Variants in ATL1 observed in about 807,000 individuals in gnomAD.
The protein encoded by ATL1 is atlastin GTPase 1.
ATL1 carries 31 observed loss-of-function variants against 75.5 expected under a neutral mutation model. The observed-to-expected ratio is 0.41, with a 90% CI of 0.31 to 0.55. The LOEUF is 0.55. Ranked by LOEUF, ATL1 falls within the 20% of genes least tolerant of loss-of-function variation. ATL1 has a pLI of 0.27. For synonymous variants in ATL1, 226 were observed against 233.3 expected, an observed-to-expected ratio of 0.97 and a Z score of 0.28; for missense variants, 405 against 662.6, an observed-to-expected ratio of 0.61 and a Z score of 4.27.
intron 1 of ATL1, 140 bp downstream of exon 1, chr14:50,560,439 C>T (rs1375003900): frequency 8.5e-7 from 1 of 1,171,676 alleles, no homozygotes; most frequent in African/African-American, 1.5e-5. Context: ...CCGAGCCGCT[C>T]CCTGTTTGGG....
chr14:50,622,023 C>A (rs2039471760), intron 10 of ATL1, 124 bp downstream of exon 10: 1 of 760,590 alleles, frequency 1.3e-6, no homozygotes, highest in Non-Finnish European at 2.3e-6. Context: ...TGCCTAATAA[C>A]TTTACCTATT....
chr14:50,627,930 T>G, intron 11 of ATL1, 101 bp from the exon 12 acceptor site: 1 of 1,089,422 alleles, frequency 9.2e-7, no homozygotes, highest in Non-Finnish European at 1.4e-6. Flanking sequence ...TCCTGATTAT[T>G]AACGTATTCT....
At chr14:50,599,391 C>A (rs1295805125) in intron 6 of ATL1, among the ~76,000 whole-genome samples, 2 of 152,000 alleles carry the variant, frequency 1.3e-5, no homozygotes, top group East Asian at 3.9e-4. Flanking sequence ...ATTAAATAGG[C>A]AAAAAGTAGA....
At chr14:50,584,391 A>G (rs1187933480) in intron 1 of ATL1, among the ~76,000 whole-genome samples, 1 of 151,680 alleles carries the variant, frequency 6.6e-6, no homozygotes, top group East Asian at 1.9e-4. Context: ...AACAACAAAC[A>G]AATAAACTTA....
chr14:50,594,880 T>G (rs895113355), intron 5 of ATL1, among the ~76,000 whole-genome samples: 14 of 151,536 alleles, frequency 9.2e-5, no homozygotes, highest in African/African-American at 3.4e-4. Flanking sequence ...ATGCCTGTGG[T>G]CCCAGCTATT....
chr14:50,630,517 C>T (rs2039569423), intron 13 of ATL1, among the ~76,000 whole-genome samples: 2 of 152,308 alleles, frequency 1.3e-5, no homozygotes, highest in South Asian at 4.1e-4. Context: ...AATTAGTGTT[C>T]ATTTCTCCTA....
At chr14:50,560,662 G>A (rs1321361573) in intron 1 of ATL1, among the ~76,000 whole-genome samples, 1 of 152,238 alleles carries the variant, frequency 6.6e-6, no homozygotes, top group Non-Finnish European at 1.5e-5. Context: ...GGTGGGCAGG[G>A]GGCTGTTGTT....
chr14:50,544,965 A>G (rs940339350), intron 1 of ATL1, among the ~76,000 whole-genome samples: 7 of 146,876 alleles, frequency 4.8e-5, no homozygotes, highest in Non-Finnish European at 9.0e-5. Context: ...AAAAAAAAGA[A>G]GCCAACTATA....
intron 8 of ATL1, among the ~76,000 whole-genome samples, chr14:50,618,891 A>AT (rs67681265): frequency 0.047 from 4,511 of 95,634 alleles, 212 homozygotes; most frequent in African/African-American, 0.18. Context: ...ATATATATAT[A>AT]TTTTTTTTTC....
intron 1 of ATL1, among the ~76,000 whole-genome samples, chr14:50,547,072 G>A (rs2038643122): frequency 6.6e-6 from 1 of 152,146 alleles, no homozygotes; most frequent in South Asian, 2.1e-4. Context: ...AGGGGGAGGG[G>A]GGAACTTTAA....
chr14:50,632,096 A>C (rs1234282711), intron 13 of ATL1, 133 bp from the exon 14 acceptor site: 13 of 576,744 alleles, frequency 2.3e-5, no homozygotes, highest in Non-Finnish European at 3.4e-5. Flanking sequence ...TAAGATAATA[A>C]TTTATATATC....
chr14:50,536,436 C>CAA (rs34686813), intron 1 of ATL1, among the ~76,000 whole-genome samples: 5 of 107,228 alleles, frequency 4.7e-5, no homozygotes, highest in Non-Finnish European at 8.1e-5. Context: ...AACTCTGTCT[C>CAA]AAAAAAAAAA....
In ATL1 at chr14:50,620,611, A is replaced by G; in HGVS notation, c.875A>G (p.Glu292Gly). 3 of 1,613,094 alleles carry G rather than the reference A, an allele frequency of 1.9e-6. No individual in the cohort carries two copies. The highest frequency in any genetic ancestry group is 2.5e-6 in the Non-Finnish European group (3 of 1,179,276). Residue 292 changes from glutamate to glycine, a missense_variant, in exon 9 of 14, where the codon GAA (glutamate) becomes GGA (glycine). Physicochemically the swap from Glu to Gly is moderately conservative, Grantham distance 98. Around this residue, in one of 5 missense-constraint regions of ATL1, gnomAD observed 56 missense variants for 66.6 expected, o/e 0.84. Coordinates refer to ENST00000358385, the MANE Select transcript of ATL1 (RefSeq NM_015915.5). ...CTTTTACTTGTAGAAATAGATGATGAATTCATCAAAAACTTGAAAATACTG... is the reference window on the plus strand; with the variant it reads ...CTTTTACTTGTAGAAATAGATGATGGATTCATCAAAAACTTGAAAATACTG... ...FDGKLKEIDDEFIKNLKILIP... is the reference protein window; with the variant it reads ...FDGKLKEIDDGFIKNLKILIP...
chr14:50,632,375 G>A lies in ATL1; in HGVS notation c.*36G>A, dbSNP rs1221390129. The A allele has an allele frequency of 2.2e-6, 3 of 1,374,018 alleles. No individual in the cohort carries two copies. The highest frequency in any genetic ancestry group is 1.4e-5 in the African/African-American group (1 of 69,794). The allele number at this position is 1,374,018 out of a possible 1,614,324, so 85.1% of individuals were successfully genotyped here. ...AAGAAATACAGGTGCATGACCAATT[G>A]TCAATTAAATATTCAGTTTTATGTC... is the stretch of plus-strand genomic sequence containing the variant. On this transcript the variant is annotated 3_prime_UTR_variant, in exon 14 of 14. Coordinates refer to ENST00000358385, the MANE Select transcript of ATL1 (RefSeq NM_015915.5).
At chr14:50,537,511 C>T (rs1323160522) in intron 1 of ATL1, among the ~76,000 whole-genome samples, 1 of 152,186 alleles carries the variant, frequency 6.6e-6, no homozygotes, top group Non-Finnish European at 1.5e-5. Flanking sequence ...TCCTCCAGAT[C>T]ACAGAATGGT....
At chr14:50,606,291 G>C (rs2039316669) in intron 6 of ATL1, among the ~76,000 whole-genome samples, 1 of 151,962 alleles carries the variant, frequency 6.6e-6, no homozygotes, top group Admixed American at 6.6e-5. Context: ...AATGGCCACA[G>C]TTATTCTCAT....
chr14:50,595,721 C>G, intron 6 of ATL1, 89 bp downstream of exon 6: 1 of 1,253,110 alleles, frequency 8.0e-7, no homozygotes, highest in Non-Finnish European at 1.2e-6. Context: ...GTTTCCTTCT[C>G]TTTTTATTTC....
At position 50,539,708 on chromosome 14, in the gene ATL1, A is replaced by T. The variant is rs74683842; in HGVS notation, c.-140+6341A>T. On this transcript the variant is annotated intron_variant, in intron 1 of 13. Coordinates refer to the ATL1 transcript ENST00000441560. ...GGGGAAGTACACAGAATGCTCTTGG[A>T]GGAGAGCTTATACAATGAAGAAGTT... 7.9e-3 allele frequency among the ~76,000 whole-genome samples: 1,201 copies of T among 152,340 alleles called. 9 individuals are homozygous for T. Among genetic ancestry groups the T allele is most frequent in the African/African-American group, 0.027 (1,121 of 41,566 alleles).
intron 1 of ATL1, among the ~76,000 whole-genome samples, chr14:50,536,826 A>C (rs1376991604): frequency 6.6e-6 from 1 of 152,222 alleles, no homozygotes; most frequent in African/African-American, 2.4e-5. Flanking sequence ...AGAAATTTCT[A>C]AGCAGCAAAG....
Sources: gnomAD v4.1 joint callset for allele counts (sites outside exome capture counted in the v4.1 genomes callset) on GRCh38, gnomAD v4.1.1 for gene constraint, gnomAD v4.1.1 regional missense constraint, MANE v1.5 for transcripts, NCBI Gene and HGNC (gene_info 2026-07-23, HGNC 2026-07-21) for gene names.